Variants in ASIC2 observed in about 807,000 individuals in gnomAD.
ASIC2 encodes acid sensing ion channel subunit 2, also known as acid-sensing ion channel 2.
ASIC2 carries 25 observed loss-of-function variants against 57.3 expected under a neutral mutation model. The ratio of observed to expected loss-of-function variants is 0.44; its 90% CI spans 0.32 to 0.61. ASIC2 has a LOEUF of 0.61. ASIC2 is among the 20% of genes least tolerant of loss of function. The pLI, the probability that ASIC2 is intolerant of heterozygous loss-of-function variation, is 0.06. For synonymous variants in ASIC2, 319 were observed against 307.5 expected (o/e 1.04, Z -0.39); for missense variants, 641 against 738.1 (o/e 0.87, Z 1.52).
chr17:33,392,852 GTT>G (rs1909950508), intron 1 of ASIC2, among the ~76,000 whole-genome samples: 1 of 152,156 alleles, frequency 6.6e-6, no homozygotes. Context: ...GACCATAAAT[GTT>G]CACCTTTGCA....
At chr17:33,481,015 C>T (rs1363383691) in intron 1 of ASIC2, among the ~76,000 whole-genome samples, 1 of 152,210 alleles carries the variant, frequency 6.6e-6, no homozygotes, top group Non-Finnish European at 1.5e-5. Flanking sequence ...TTCCTCCCCT[C>T]TCTGTCTTGG....
chr17:34,156,663 T>A lies in ASIC2; in HGVS notation c.-131A>T. On this transcript the variant is annotated 5_prime_UTR_variant, in exon 1 of 10. Transcript: ENST00000359872. The surrounding 1 kb of genome is among the most constrained non-coding windows in gnomAD (Gnocchi z 4.4). ...GCAAGGCAAGCATCGCGCCAGATGCTGTGAGTTTATCCTGAGAGCCCAGCC... is the reference window on the plus strand; with the variant it reads ...GCAAGGCAAGCATCGCGCCAGATGCAGTGAGTTTATCCTGAGAGCCCAGCC... 1 of 980,850 alleles carries A rather than the reference T, an allele frequency of 1.0e-6. No individual in the cohort carries two copies. 60.8% of individuals were successfully genotyped at this position (980,850 alleles called of 1,614,324 possible).
chr17:33,666,897 A>G (rs1907491936), intron 1 of ASIC2, among the ~76,000 whole-genome samples: 1 of 152,236 alleles, frequency 6.6e-6, no homozygotes, highest in South Asian at 2.1e-4. Context: ...TTTCAGATCA[A>G]TAAATAATGA....
chr17:34,048,269 A>G (rs762126753), intron 1 of ASIC2, among the ~76,000 whole-genome samples: 9 of 152,326 alleles, frequency 5.9e-5, no homozygotes, highest in Non-Finnish European at 7.3e-5. Flanking sequence ...TCTCCTGAAC[A>G]TGCTACCTTA....
intron 1 of ASIC2, among the ~76,000 whole-genome samples, chr17:33,350,048 G>C (rs1169733476): frequency 2.0e-5 from 3 of 152,204 alleles, no homozygotes. Flanking sequence ...AGTGTTCCAA[G>C]AAAGACTGGG....
chr17:33,249,563 T>C (rs892144086), intron 1 of ASIC2, among the ~76,000 whole-genome samples: 4 of 151,752 alleles, frequency 2.6e-5, no homozygotes, highest in Non-Finnish European at 1.5e-5. Flanking sequence ...CAGGACAGGG[T>C]CCTGTCTAGG....
intron 1 of ASIC2, among the ~76,000 whole-genome samples, chr17:33,240,869 C>T (rs1187021086): frequency 6.6e-6 from 1 of 152,098 alleles, no homozygotes; most frequent in Non-Finnish European, 1.5e-5. Context: ...AGCAAACAAA[C>T]AAACAAAAAA....
At chr17:33,807,016 C>T (rs550985808) in intron 1 of ASIC2, among the ~76,000 whole-genome samples, 1 of 152,332 alleles carries the variant, frequency 6.6e-6, no homozygotes, top group East Asian at 1.9e-4. Flanking sequence ...CTGCCTTGCC[C>T]ACACATCTGC....
At chr17:34,106,082 G>T (rs1481130044) in intron 1 of ASIC2, among the ~76,000 whole-genome samples, 1 of 151,778 alleles carries the variant, frequency 6.6e-6, no homozygotes. Context: ...TATCTTTTAT[G>T]ACAATAACAT....
chr17:33,452,901 T>C (rs768625931), intron 1 of ASIC2, among the ~76,000 whole-genome samples: 1 of 152,108 alleles, frequency 6.6e-6, no homozygotes. Flanking sequence ...TCTTTGTTAA[T>C]GAAGCTCCTC....
intron 1 of ASIC2, among the ~76,000 whole-genome samples, chr17:33,780,691 G>T (rs1597873285): frequency 6.6e-6 from 1 of 152,288 alleles, no homozygotes; most frequent in South Asian, 2.1e-4. Context: ...TATGTGGCGG[G>T]CACTGTCCCC....
intron 1 of ASIC2, among the ~76,000 whole-genome samples, chr17:33,546,166 A>T (rs535160515): frequency 2.0e-5 from 3 of 147,408 alleles, no homozygotes; most frequent in African/African-American, 5.2e-5. Flanking sequence ...TATATACATA[A>T]GTATATGTAA....
At chr17:33,922,661 A>G (rs1335619890) in intron 1 of ASIC2, among the ~76,000 whole-genome samples, 1 of 152,186 alleles carries the variant, frequency 6.6e-6, no homozygotes, top group African/African-American at 2.4e-5. Flanking sequence ...TTATATTTAT[A>G]AACAATTCTA....
At chr17:33,645,459 G>A (rs1025159254) in intron 1 of ASIC2, among the ~76,000 whole-genome samples, 12 of 152,138 alleles carry the variant, frequency 7.9e-5, no homozygotes, top group African/African-American at 2.7e-4. Context: ...AGATTGCATT[G>A]TACTGAGAAA....
In ASIC2 at chr17:33,433,260, G is replaced by A. The variant is rs183912269; in HGVS notation, c.556-321193C>T. On this transcript the variant is annotated intron_variant, in intron 1 of 9. Coordinates refer to the ASIC2 transcript ENST00000359872. ...TCATGTCCTTTGCAGGAACATGGATGGAGCTGGAGGCCATCATCCTTAGCA... is the reference window on the plus strand; with the variant it reads ...TCATGTCCTTTGCAGGAACATGGATAGAGCTGGAGGCCATCATCCTTAGCA... Among the ~76,000 whole-genome samples, 4 of 152,280 alleles carry A rather than the reference G, an allele frequency of 2.6e-5. No individual in the cohort carries two copies. The East Asian group carries it at 7.7e-4, about 29-fold the overall frequency.
chr17:33,454,912 T>C (rs570939411), intron 1 of ASIC2, among the ~76,000 whole-genome samples: 2 of 152,368 alleles, frequency 1.3e-5, no homozygotes, highest in East Asian at 3.9e-4. Context: ...GTAGTGCTCA[T>C]GACTTAATCA....
rs182938851 is a variant in ASIC2 at position 33,145,569 on chromosome 17, A to G, written c.709-33502T>C. Among the ~76,000 whole-genome samples the G allele has an allele frequency of 7.2e-5, 11 of 152,298 alleles. No individual in the cohort carries two copies. In the South Asian group the frequency reaches 8.3e-4, roughly 11 times the overall value. ...TTCAGACTTCTAACACATGCATAAGATATTTCCAACATTAAATAGCCTTTG... is the reference window on the plus strand; with the variant it reads ...TTCAGACTTCTAACACATGCATAAGGTATTTCCAACATTAAATAGCCTTTG... On this transcript the variant is annotated intron_variant, in intron 1 of 9. Transcript: ENST00000225823.
intron 1 of ASIC2, among the ~76,000 whole-genome samples, chr17:33,456,428 T>G (rs922096542): frequency 2.0e-5 from 3 of 152,150 alleles, no homozygotes; most frequent in Non-Finnish European, 4.4e-5. Context: ...TTCAGTCTAT[T>G]CCCAGATTGC....
chr17:33,389,251 G>C (rs533830749), intron 1 of ASIC2, among the ~76,000 whole-genome samples: 49 of 152,054 alleles, frequency 3.2e-4, no homozygotes, highest in African/African-American at 1.1e-3. Context: ...ACGAGCCACC[G>C]TGCCTGGCTC....
Sources: gnomAD v4.1 joint callset for allele counts (sites outside exome capture counted in the v4.1 genomes callset) on GRCh38, gnomAD v4.1.1 for gene constraint, Gnocchi (gnomAD v3.1) non-coding constraint, MANE v1.5 for transcripts, NCBI Gene and HGNC (gene_info 2026-07-23, HGNC 2026-07-21) for gene names.